The following SMPDL3B variants were observed in gnomAD, a reference collection of about 807,000 sequenced individuals.
SMPDL3B encodes acid sphingomyelinase-like phosphodiesterase 3b.
Under a neutral mutation model 37.9 loss-of-function variants are expected in SMPDL3B, and 31 were observed. That is an observed-to-expected ratio of 0.82 (90% confidence interval 0.61 to 1.10). SMPDL3B has a LOEUF of 1.10. Among genes scored for constraint, SMPDL3B ranks in the 50% least tolerant of loss-of-function variants. The pLI is 0.00. For missense variants in SMPDL3B, 525 were observed against 597.8 expected (o/e 0.88, Z 1.27); for synonymous variants, 235 against 242.6 (o/e 0.97, Z 0.29).
At position 27,958,061 on chromosome 1, in the gene SMPDL3B, C is replaced by G. The variant is rs1030837278; in HGVS notation, c.1006-415C>G. 6.6e-6 allele frequency among the ~76,000 whole-genome samples: 1 copy of G among 152,122 alleles called. No homozygotes were observed. The highest frequency in any genetic ancestry group is 6.5e-5 in the Admixed American group (1 of 15,280). ...ACCTGGGTCCTAGGAGTCTACAGTT[C>G]ATAATCTCTCTCATGCTTAGTGTTG... On this transcript the variant is annotated intron_variant, in intron 7 of 7. Coordinates refer to ENST00000373894, the MANE Select transcript of SMPDL3B (RefSeq NM_014474.4). The surrounding 1 kb of genome is among the most constrained non-coding windows in gnomAD (Gnocchi z 5.6).
intron 7 of SMPDL3B, chr1:27,956,308 T>A (rs4908381): frequency 6.7e-7 from 1 of 1,492,556 alleles, no homozygotes; most frequent in Non-Finnish European, 8.9e-7. Flanking sequence ...CTGTCACAGC[T>A]TCATACCTGG....
At chr1:27,956,203 C>T (rs1638270689) in intron 7 of SMPDL3B, 121 bp downstream of exon 7, 4 of 1,597,742 alleles carry the variant, frequency 2.5e-6, no homozygotes, top group Non-Finnish European at 3.4e-6. Flanking sequence ...AGGTTGAGCT[C>T]CTTCCACCCT....
rs116092460 is a variant in SMPDL3B, at chr1:27,941,927, C to T, written c.62-3305C>T. ...TGGACCCCAAGGAGGTGGAGCTGCCCGCCTGGACCTCTGGCTCTCTCCACC... is the reference window on the plus strand; with the variant it reads ...TGGACCCCAAGGAGGTGGAGCTGCCTGCCTGGACCTCTGGCTCTCTCCACC... On this transcript the variant is annotated intron_variant, in intron 1 of 7. Coordinates refer to ENST00000373894, the MANE Select transcript of SMPDL3B (RefSeq NM_014474.4). Among the ~76,000 whole-genome samples the T allele has an allele frequency of 7.0e-4, 106 of 152,200 alleles. No individual in the cohort carries two copies. The Middle Eastern group carries it at 0.034, about 49-fold the overall frequency.
intron 3 of SMPDL3B, among the ~76,000 whole-genome samples, 163 bp downstream of exon 3, chr1:27,949,325 A>G (rs1322030274): frequency 6.6e-6 from 1 of 152,144 alleles, no homozygotes; most frequent in African/African-American, 2.4e-5. Flanking sequence ...CCTTCCTAAC[A>G]AGCCCGAAGG....
chr1:27,956,063 G>A lies in SMPDL3B; in HGVS notation c.986G>A (p.Arg329Gln), dbSNP rs148523241. The change falls in exon 7 of 8, where the codon CGA becomes CAA. Residue 329 changes from arginine (R) to glutamine (Q), a missense_variant. Transcript: ENST00000373894. Reference protein sequence around the residue: ...NPAIRVFEYDRATLSLKDMVT... With the variant: ...NPAIRVFEYDQATLSLKDMVT... ...GCCATCCGGGTGTTCGAATATGACC[G>A]AGCCACACTGAGCCTGAAGGTCAGG... 129 of 1,613,996 alleles carry A rather than the reference G, an allele frequency of 8.0e-5. No homozygotes were observed. Among genetic ancestry groups the A allele is most frequent in the Middle Eastern group, 1.6e-4 (1 of 6,084 alleles).
intron 7 of SMPDL3B, among the ~76,000 whole-genome samples, chr1:27,957,719 C>T (rs1029334802): frequency 2.0e-5 from 3 of 152,180 alleles, no homozygotes; most frequent in African/African-American, 7.2e-5. Context: ...TGGCAGGCTG[C>T]ACCATCACCC....
chr1:27,935,308 G>A, intron 1 of SMPDL3B, 64 bp downstream of exon 1: 1 of 1,255,614 alleles, frequency 8.0e-7, no homozygotes, highest in Non-Finnish European at 1.2e-6. Flanking sequence ...GCTGCGGGAA[G>A]CTGCTCGCAG....
intron 7 of SMPDL3B, 25 bp downstream of exon 7, chr1:27,956,107 G>A: frequency 6.2e-7 from 1 of 1,614,126 alleles, no homozygotes; most frequent in Non-Finnish European, 8.5e-7. Context: ...GGAGGCCAGA[G>A]GAGGAGGGTG....
At position 27,959,081 on chromosome 1, in the gene SMPDL3B, A is replaced by T; in HGVS notation, c.*243A>T. 1.9e-6 allele frequency: 1 copy of T among 529,682 alleles called. No homozygotes were observed. The highest frequency in any genetic ancestry group is 2.9e-5 in the East Asian group (1 of 34,186). 32.8% of individuals were successfully genotyped at this position (529,682 alleles called of 1,614,324 possible). A position where few individuals can be genotyped will look rare whatever the true frequency, so the allele number is the denominator to read the frequency against. ...GAAACAGAAAAGAAATGACGACCCAAGACCCCCCTACAAGCATACTTCTTT... is the reference window on the plus strand; with the variant it reads ...GAAACAGAAAAGAAATGACGACCCATGACCCCCCTACAAGCATACTTCTTT... On this transcript the variant is annotated 3_prime_UTR_variant, in exon 8 of 8. Coordinates refer to ENST00000373894, the MANE Select transcript of SMPDL3B (RefSeq NM_014474.4).
intron 2 of SMPDL3B, 24 bp from the exon 3 acceptor site, chr1:27,949,041 A>G (rs374083477): frequency 1.9e-6 from 3 of 1,613,918 alleles, no homozygotes; most frequent in Non-Finnish European, 8.5e-7. Context: ...GCCTGCCCCA[A>G]ATTGGCTTGG....
chr1:27,936,746 C>T (rs4988882), intron 1 of SMPDL3B: 59,575 of 151,832 alleles, frequency 0.39, 12,119 homozygotes, highest in South Asian at 0.55. Context: ...GGGCCGGATG[C>T]GGTGGCTCAC....
At chr1:27,944,895 T>G (rs2090393360) in intron 1 of SMPDL3B, among the ~76,000 whole-genome samples, 1 of 152,128 alleles carries the variant, frequency 6.6e-6, no homozygotes, top group Admixed American at 6.5e-5. Context: ...GCCTGAGCAC[T>G]TAACCCATAC....
chr1:27,952,951 A>G (rs1297541676), intron 3 of SMPDL3B, among the ~76,000 whole-genome samples: 1 of 152,180 alleles, frequency 6.6e-6, no homozygotes, highest in African/African-American at 2.4e-5. Context: ...CCTTCTCATC[A>G]TCTGCTGCTT....
rs2090295101 is a variant in SMPDL3B at position 27,935,148 on chromosome 1, GA to G, written c.-35del. 6.7e-7 allele frequency: 1 copy of G among 1,487,282 alleles called. No individual in the cohort carries two copies. Among genetic ancestry groups the G allele is most frequent in the Non-Finnish European group, 9.0e-7 (1 of 1,106,744 alleles). 92.1% of individuals were successfully genotyped at this position (1,487,282 alleles called of 1,614,324 possible). On this transcript the variant is annotated 5_prime_UTR_variant, in exon 1 of 8. Transcript: ENST00000373894. The stretch of plus-strand genomic sequence containing the variant: ...TGTGGTGAGAACAACAACAGTGCCT[GA>G]GAATCCCACGGCTCTGGGGAAGTGA...
At chr1:27,956,267 G>T (rs1638272058) in intron 7 of SMPDL3B, 185 bp downstream of exon 7, 5 of 1,526,440 alleles carry the variant, frequency 3.3e-6, no homozygotes, top group Non-Finnish European at 4.4e-6. Context: ...TCAGGGCAGT[G>T]CCTCACCAAG....
chr1:27,958,401 G>A lies in SMPDL3B; in HGVS notation c.1006-75G>A. 1.3e-6 allele frequency: 2 copies of A among 1,521,788 alleles called. No individual in the cohort carries two copies. Among genetic ancestry groups the A allele is most frequent in the East Asian group, 2.3e-5 (1 of 43,914 alleles). The allele number at this position is 1,521,788 out of a possible 1,614,324, so 94.3% of individuals were successfully genotyped here. Reference sequence around the variant, plus strand: ...GGTCACTGCTCTAAAGAACTTGGGGGCAAATGCAAGGTGCAGGATGGGGAT... The same window carrying A: ...GGTCACTGCTCTAAAGAACTTGGGGACAAATGCAAGGTGCAGGATGGGGAT... On this transcript the variant is annotated intron_variant, in intron 7 of 7. Coordinates refer to ENST00000373894, the MANE Select transcript of SMPDL3B (RefSeq NM_014474.4). This position sits in a 1 kb window ranked among gnomAD's most constrained non-coding sequence, Gnocchi z 5.6.
chr1:27,954,314 G>T (rs1273312132), intron 4 of SMPDL3B, 40 bp from the exon 5 acceptor site: 2 of 1,584,780 alleles, frequency 1.3e-6, no homozygotes, highest in Non-Finnish European at 1.7e-6. Context: ...TGTCTGGCCA[G>T]AGGTGGGGGC....
chr1:27,955,850 T>C lies in SMPDL3B; in HGVS notation c.857T>C (p.Leu286Pro). The stretch of plus-strand genomic sequence containing the variant: ...CACCACACCGACAGCTTTCGGATGC[T>C]CTATGATGATGCAGGTATTCAACCT... Reference protein sequence around the residue: ...GHHHTDSFRMLYDDAGVPISA... With the variant: ...GHHHTDSFRMPYDDAGVPISA... Residue 286 changes from leucine to proline, a missense_variant, in exon 6 of 8, where the codon CTC becomes CCC. Physicochemically the swap from Leu to Pro is moderately conservative, Grantham distance 98. Transcript: ENST00000373894. The C allele has an allele frequency of 6.2e-7, 1 of 1,613,648 alleles. No individual in the cohort carries two copies. The highest frequency in any genetic ancestry group is 1.3e-5 in the African/African-American group (1 of 74,998).
chr1:27,944,873 A>C (rs2090393222), intron 1 of SMPDL3B, among the ~76,000 whole-genome samples: 1 of 152,026 alleles, frequency 6.6e-6, no homozygotes, highest in Admixed American at 6.6e-5. Flanking sequence ...CACAGCTCCT[A>C]AGTGGCTCAG....
Sources: allele counts gnomAD v4.1 joint callset (sites outside exome capture counted in the v4.1 genomes callset), GRCh38; gene constraint gnomAD v4.1.1; non-coding constraint Gnocchi (gnomAD v3.1); transcripts MANE v1.5; gene names NCBI Gene and HGNC (gene_info 2026-07-23, HGNC 2026-07-21).